Variants in PTPRM observed in about 807,000 individuals in gnomAD.
PTPRM encodes receptor-type tyrosine-protein phosphatase mu.
PTPRM carries 47 observed loss-of-function variants against 186.7 expected under a neutral mutation model. The ratio of observed to expected loss-of-function variants is 0.25; its 90% CI spans 0.20 to 0.32. The LOEUF (loss-of-function observed/expected upper bound fraction) is 0.32. PTPRM is among the 10% of genes least tolerant of loss of function. The pLI is 1.00. For synonymous variants in PTPRM, 668 were observed against 674.9 expected, an observed-to-expected ratio of 0.99 and a Z score of 0.16; for missense variants, 1,494 against 1,865.0, an observed-to-expected ratio of 0.80 and a Z score of 3.66.
At chr18:7,590,716 A>G (rs893631889) in intron 1 of PTPRM, among the ~76,000 whole-genome samples, 3 of 152,186 alleles carry the variant, frequency 2.0e-5, no homozygotes, top group Non-Finnish European at 2.9e-5. Context: ...AAAACTAGTG[A>G]CAAAATCATT....
chr18:7,881,114 G>A (rs530733966), intron 2 of PTPRM, among the ~76,000 whole-genome samples: 45 of 152,074 alleles, frequency 3.0e-4, no homozygotes, highest in Admixed American at 1.8e-3. Context: ...GAGACATGTC[G>A]CTTTACACAT....
intron 7 of PTPRM, among the ~76,000 whole-genome samples, chr18:7,998,394 GC>G (rs2083668049): frequency 6.6e-6 from 1 of 152,076 alleles, no homozygotes; most frequent in East Asian, 1.9e-4. Context: ...GGGGTTGGAA[GC>G]CCCAATTACC....
chr18:7,882,320 A>T (rs546755621), intron 2 of PTPRM, among the ~76,000 whole-genome samples: 19 of 151,536 alleles, frequency 1.3e-4, no homozygotes, highest in Middle Eastern at 3.4e-3. Flanking sequence ...TTTTTTTTTT[A>T]AAAAAACAAC....
chr18:7,882,926 T>C (rs1296161138), intron 2 of PTPRM, among the ~76,000 whole-genome samples: 1 of 152,216 alleles, frequency 6.6e-6, no homozygotes, highest in African/African-American at 2.4e-5. Context: ...CCAGTGGATA[T>C]GATTGGCTAA....
At chr18:7,943,044 G>A (rs1023122104) in intron 5 of PTPRM, among the ~76,000 whole-genome samples, 2 of 151,960 alleles carry the variant, frequency 1.3e-5, no homozygotes, top group Admixed American at 6.6e-5. Context: ...TTTTTCCCTC[G>A]TGGATCACAT....
chr18:7,960,471 A>G (rs902123509), intron 7 of PTPRM, among the ~76,000 whole-genome samples: 3 of 123,150 alleles, frequency 2.4e-5, no homozygotes, highest in African/African-American at 1.0e-4. Flanking sequence ...ATATATATAT[A>G]TATATATATA....
At position 7,581,040 on chromosome 18, in the gene PTPRM, A is replaced by G. The variant is rs573157815; in HGVS notation, c.73+13149A>G. Reference sequence around the variant, plus strand: ...TCTCGTGGACACAGTGAGCAATATAACCCATCAACTTTCTTTTTTCTGTCG... The same window carrying G: ...TCTCGTGGACACAGTGAGCAATATAGCCCATCAACTTTCTTTTTTCTGTCG... On this transcript the variant is annotated intron_variant, in intron 1 of 32. Coordinates refer to ENST00000580170, the MANE Select transcript of PTPRM (RefSeq NM_001105244.2). 1.3e-4 allele frequency among the ~76,000 whole-genome samples: 20 copies of G among 152,302 alleles called. No individual in the cohort carries two copies. In the South Asian group the frequency reaches 4.2e-3, roughly 32 times the overall value.
chr18:7,603,446 A>G (rs565148966), intron 1 of PTPRM, among the ~76,000 whole-genome samples: 1 of 152,328 alleles, frequency 6.6e-6, no homozygotes, highest in East Asian at 1.9e-4. Context: ...GTTAACAGCT[A>G]CCTGGGCTTT....
chr18:7,656,568 A>G (rs983821332), intron 1 of PTPRM, among the ~76,000 whole-genome samples: 5 of 152,134 alleles, frequency 3.3e-5, no homozygotes, highest in African/African-American at 4.8e-5. Context: ...GTATTTTCCT[A>G]TAATTTAAAG....
intron 2 of PTPRM, among the ~76,000 whole-genome samples, chr18:7,796,517 A>G (rs2043657457): frequency 6.6e-6 from 1 of 152,184 alleles, no homozygotes; most frequent in Non-Finnish European, 1.5e-5. Context: ...ACCTCACTCC[A>G]CAGCAGGTCT....
At chr18:8,289,814 G>C (rs2095022412) in intron 19 of PTPRM, among the ~76,000 whole-genome samples, 2 of 152,040 alleles carry the variant, frequency 1.3e-5, no homozygotes, top group African/African-American at 4.8e-5. Context: ...AAAGTGGCCA[G>C]AGATTAGCAG....
rs2036460406 is a variant in PTPRM at position 7,567,777 on chromosome 18, A to C, written c.-42A>C. 6.7e-7 allele frequency: 1 copy of C among 1,503,130 alleles called. No homozygotes were observed. Among genetic ancestry groups the C allele is most frequent in the South Asian group, 1.3e-5 (1 of 77,702 alleles). The allele number at this position is 1,503,130 out of a possible 1,614,324, so 93.1% of individuals were successfully genotyped here. ...CGGCCCCCTCCGCCCTCGCGCGCCC[A>C]CCCACCGCCGCCGGGGAGCGGCCCG... is the stretch of plus-strand genomic sequence containing the variant. On this transcript the variant is annotated 5_prime_UTR_variant, in exon 1 of 33. Coordinates refer to ENST00000580170, the MANE Select transcript of PTPRM (RefSeq NM_001105244.2). The surrounding 1 kb of genome is among the most constrained non-coding windows in gnomAD (Gnocchi z 4.3).
chr18:8,250,720 T>G (rs1176369881), intron 17 of PTPRM, among the ~76,000 whole-genome samples: 2 of 151,762 alleles, frequency 1.3e-5, no homozygotes, highest in Non-Finnish European at 2.9e-5. Flanking sequence ...GCCCAGGAGT[T>G]TGGGGCTGCA....
At position 8,114,800 on chromosome 18, in the gene PTPRM, A is replaced by G. The variant is rs369899451; in HGVS notation, c.2140A>G (p.Ile714Val). The G allele has an allele frequency of 6.2e-7, 1 of 1,610,834 alleles. No homozygotes were observed. Among genetic ancestry groups the G allele is most frequent in the Non-Finnish European group, 8.5e-7 (1 of 1,178,316 alleles). The change falls in exon 13 of 33, where the codon ATA (isoleucine) becomes GTA (valine). Residue 714 changes from isoleucine (I) to valine (V), a missense_variant. Ile to Val is a conservative substitution (Grantham distance 29). Coordinates refer to ENST00000580170, the MANE Select transcript of PTPRM (RefSeq NM_001105244.2). ...TCTTTATTTGACACAGGAAACCAAA[A>G]TAGACTGTGTCCAAGTGGCCACAAA... ...AASRANGETK[I>V]DCVQVATKGA... is the part of the protein sequence containing the mutation.
At chr18:8,247,973 A>T in intron 16 of PTPRM, 54 bp downstream of exon 16, 2 of 1,462,070 alleles carry the variant, frequency 1.4e-6, no homozygotes, top group Non-Finnish European at 1.9e-6. Context: ...AGTCAGAATC[A>T]CTCCGCCCTC....
At chr18:8,290,205 C>A (rs1341436501) in intron 19 of PTPRM, among the ~76,000 whole-genome samples, 1 of 152,182 alleles carries the variant, frequency 6.6e-6, no homozygotes, top group Non-Finnish European at 1.5e-5. Context: ...GTGAGTTCAT[C>A]TTCCTTCTTT....
At chr18:8,401,993 C>G (rs781047710) in intron 32 of PTPRM, among the ~76,000 whole-genome samples, 1 of 152,170 alleles carries the variant, frequency 6.6e-6, no homozygotes, top group Non-Finnish European at 1.5e-5. Context: ...TCCTCATGCC[C>G]GAAGCCAGCT....
chr18:7,694,627 A>C (rs1032641142), intron 1 of PTPRM, among the ~76,000 whole-genome samples: 4 of 152,006 alleles, frequency 2.6e-5, no homozygotes, highest in African/African-American at 9.7e-5. Flanking sequence ...GAGTTTCACC[A>C]GGTTGTCCAG....
chr18:8,323,481 T>C (rs1480036865), intron 22 of PTPRM, among the ~76,000 whole-genome samples: 1 of 152,176 alleles, frequency 6.6e-6, no homozygotes, highest in Admixed American at 6.5e-5. Context: ...TACATGTTAA[T>C]TATTATTGTC....
Sources: allele counts gnomAD v4.1 joint callset (sites outside exome capture counted in the v4.1 genomes callset), GRCh38; gene constraint gnomAD v4.1.1; non-coding constraint Gnocchi (gnomAD v3.1); transcripts MANE v1.5; gene names NCBI Gene and HGNC (gene_info 2026-07-23, HGNC 2026-07-21).